The following CTR9 variants were observed in gnomAD, a reference collection of about 807,000 sequenced individuals.
CTR9 encodes RNA polymerase-associated protein CTR9 homolog.
A neutral mutation model predicts 152.1 loss-of-function variants in CTR9; 41 were observed. The ratio of observed to expected loss-of-function variants is 0.27; its 90% confidence interval spans 0.21 to 0.35. The LOEUF (loss-of-function observed/expected upper bound fraction) is 0.35, where lower values mean the gene tolerates loss of function less well. Ranked by LOEUF, CTR9 falls within the 10% of genes least tolerant of loss-of-function variation. The probability of loss-of-function intolerance (pLI) is 1.00; values close to 1 mark genes in which losing one functional copy is unlikely to be tolerated. For synonymous variants in CTR9, 476 were observed against 496.2 expected (o/e 0.96, Z 0.54); for missense variants, 917 against 1,424.4 (o/e 0.64, Z 5.73).
intron 1 of CTR9, among the ~76,000 whole-genome samples, chr11:10,751,716 T>G (rs1346820478): frequency 6.6e-6 from 1 of 152,180 alleles, no homozygotes; most frequent in East Asian, 1.9e-4. Flanking sequence ...AATTTGACAG[T>G]GCGCTACTCT....
chr11:10,755,338 A>T (rs1246734570), intron 3 of CTR9, 141 bp downstream of exon 3: 1 of 1,045,700 alleles, frequency 9.6e-7, no homozygotes, highest in East Asian at 2.4e-5. Context: ...AAGGTTCCTC[A>T]TTAAAATCGG....
At position 10,766,562 on chromosome 11, in the gene CTR9, CT is replaced by C. The variant is rs1863063022; in HGVS notation, c.1686+76del. 1.1e-5 allele frequency: 11 copies of C among 1,043,976 alleles called. No homozygotes were observed. In the South Asian group the frequency reaches 1.7e-4, roughly 16 times the overall value. 64.7% of individuals were successfully genotyped at this position (1,043,976 alleles called of 1,614,324 possible). On this transcript the variant is annotated intron_variant, in intron 13 of 24. Transcript: ENST00000361367. Reference sequence around the variant, plus strand: ...TTCCTTCCCCATAAATCAGTTTTTCCTTTTAATGGCTACATCTTCCTGGTTT... The same window carrying C: ...TTCCTTCCCCATAAATCAGTTTTTCCTTTAATGGCTACATCTTCCTGGTTT...
In CTR9 at chr11:10,779,370, G is replaced by T; in HGVS notation, c.*265G>T. ...AACTGCAGTAAAAATAAACCCAGAT[G>T]CTAAATCATTCCTACAAAGGTTTGA... On this transcript the variant is annotated 3_prime_UTR_variant, in exon 25 of 25. Transcript: ENST00000361367. 2.7e-6 allele frequency: 1 copy of T among 369,326 alleles called. No individual in the cohort carries two copies. 22.9% of individuals were successfully genotyped at this position (369,326 alleles called of 1,614,324 possible).
At chr11:10,762,654 TG>T (rs1281507026) in intron 7 of CTR9, among the ~76,000 whole-genome samples, 2 of 152,216 alleles carry the variant, frequency 1.3e-5, no homozygotes, top group African/African-American at 4.8e-5. Flanking sequence ...TTAATCATGT[TG>T]TATTTTTTAA....
chr11:10,762,768 C>A (rs189896347), intron 7 of CTR9, among the ~76,000 whole-genome samples: 90 of 152,026 alleles, frequency 5.9e-4, no homozygotes, highest in African/African-American at 2.0e-3. Context: ...TTTTGAGGGG[C>A]CTAGGTGGGA....
chr11:10,765,395 ACTTT>A (rs1863044062), intron 12 of CTR9, among the ~76,000 whole-genome samples: 1 of 152,078 alleles, frequency 6.6e-6, no homozygotes, highest in South Asian at 2.1e-4. Flanking sequence ...TTGTTTTTGT[ACTTT>A]CTTTAAAAAG....
chr11:10,761,257 A>T (rs181503141), intron 6 of CTR9, among the ~76,000 whole-genome samples: 1,672 of 152,300 alleles, frequency 0.011, 12 homozygotes, highest in Admixed American at 0.019. Flanking sequence ...GATTATCTGG[A>T]CTGGTGTAGA....
At chr11:10,768,252 G>C (rs1018013999) in intron 15 of CTR9, 91 bp downstream of exon 15, 23 of 1,572,734 alleles carry the variant, frequency 1.5e-5, no homozygotes, top group Non-Finnish European at 1.8e-5. Flanking sequence ...CTTAAAATGT[G>C]ATCAATGTAG....
chr11:10,757,450 G>A (rs779227942), intron 5 of CTR9, among the ~76,000 whole-genome samples: 20 of 151,726 alleles, frequency 1.3e-4, no homozygotes, highest in Non-Finnish European at 2.1e-4. Context: ...GCACATGGTA[G>A]TGCTTGTGGT....
In CTR9 at chr11:10,755,042, G is replaced by A; in HGVS notation, c.229G>A (p.Asp77Asn). The A allele has an allele frequency of 6.2e-7, 1 of 1,614,040 alleles. No homozygotes were observed. Among genetic ancestry groups the A allele is most frequent in the Non-Finnish European group, 8.5e-7 (1 of 1,179,972 alleles). Reference protein sequence around the residue: ...ARIDGNLDYRDHEKDQMTCLD... With the variant: ...ARIDGNLDYRNHEKDQMTCLD... Reference sequence around the variant, plus strand: ...TATAGATGGCAATTTGGACTATAGAGACCATGAAAAAGACCAGATGACTTG... The same window carrying A: ...TATAGATGGCAATTTGGACTATAGAAACCATGAAAAAGACCAGATGACTTG... The change falls in exon 3 of 25, where the codon GAC (aspartate) becomes AAC (asparagine). Residue 77 changes from aspartate to asparagine, a missense_variant. This residue lies in a region of CTR9 where 67 missense variants were observed against 106.9 expected (regional missense o/e 0.63). Transcript: ENST00000361367.
At chr11:10,762,767 GC>G (rs1392819452) in intron 7 of CTR9, among the ~76,000 whole-genome samples, 1 of 152,078 alleles carries the variant, frequency 6.6e-6, no homozygotes, top group Non-Finnish European at 1.5e-5. Flanking sequence ...ATTTTGAGGG[GC>G]CTAGGTGGGA....
In CTR9 at chr11:10,763,430, G is replaced by A; in HGVS notation, c.850-1G>A. ...CAGTTGACTTTCTGATCTTTGTTCA[G>A]GATTATAGTAAAGTCCAGCATCTGG... On this transcript the variant is annotated splice_acceptor_variant, in intron 7 of 24. Transcript: ENST00000361367. LOFTEE classifies it high-confidence loss of function. 6.2e-7 allele frequency: 1 copy of A among 1,604,962 alleles called. No individual in the cohort carries two copies. The highest frequency in any genetic ancestry group is 8.5e-7 in the Non-Finnish European group (1 of 1,173,386).
intron 22 of CTR9, 58 bp downstream of exon 22, chr11:10,774,227 AC>A: frequency 6.5e-7 from 1 of 1,529,604 alleles, no homozygotes; most frequent in African/African-American, 1.4e-5. Flanking sequence ...AAGACCTTTT[AC>A]CTTCTGAATC....
intron 5 of CTR9, among the ~76,000 whole-genome samples, chr11:10,758,139 C>A (rs949957567): frequency 6.6e-6 from 1 of 152,134 alleles, no homozygotes; most frequent in Admixed American, 6.5e-5. Flanking sequence ...TGACTAATCA[C>A]GTAGGGCATC....
intron 18 of CTR9, 136 bp from the exon 19 acceptor site, chr11:10,771,409 A>G: frequency 1.8e-6 from 1 of 569,714 alleles, no homozygotes; most frequent in South Asian, 2.4e-5. Flanking sequence ...AAATGTAATG[A>G]GTGGCATAAA....
chr11:10,762,770 T>A (rs4910188), intron 7 of CTR9, among the ~76,000 whole-genome samples: 5 of 152,126 alleles, frequency 3.3e-5, no homozygotes, highest in Admixed American at 1.3e-4. Flanking sequence ...TTGAGGGGCC[T>A]AGGTGGGAGG....
chr11:10,754,384 T>G (rs1174817537), intron 2 of CTR9, among the ~76,000 whole-genome samples: 1 of 152,248 alleles, frequency 6.6e-6, no homozygotes, highest in East Asian at 1.9e-4. Context: ...TTGGGAACAT[T>G]GTGAATGATT....
At chr11:10,756,463 C>T (rs1426351988) in intron 4 of CTR9, among the ~76,000 whole-genome samples, 1 of 152,138 alleles carries the variant, frequency 6.6e-6, no homozygotes, top group East Asian at 1.9e-4. Flanking sequence ...TCCATGTGTT[C>T]TCATCATTTA....
Position 10,756,840 on chromosome 11 carries a change from T to C in CTR9, c.592+2T>C, listed in dbSNP as rs757940976. The C allele has an allele frequency of 7.5e-6, 12 of 1,605,410 alleles. No individual in the cohort carries two copies. The Admixed American group carries it at 1.8e-4, about 25-fold the overall frequency. ...TGCGTACTAACCCAGGATGTCCAGG[T>C]AAGAGAAAAATTTTATTTTATGTCT... On this transcript the variant is annotated splice_donor_variant, in intron 5 of 24. Coordinates refer to ENST00000361367, the MANE Select transcript of CTR9 (RefSeq NM_014633.5). LOFTEE classifies it high-confidence loss of function.
Sources: allele counts gnomAD v4.1 joint callset (sites outside exome capture counted in the v4.1 genomes callset), GRCh38; gene constraint gnomAD v4.1.1; regional missense constraint gnomAD v4.1.1; transcripts MANE v1.5; gene names NCBI Gene and HGNC (gene_info 2026-07-23, HGNC 2026-07-21).